The following TOX variants were observed in gnomAD, a reference collection of about 807,000 sequenced individuals.
The protein encoded by TOX is thymocyte selection-associated high mobility group box protein TOX.
In TOX, 11 loss-of-function variants were observed where a neutral mutation model predicts 53.7. That is an observed-to-expected ratio of 0.20 (90% confidence interval 0.13 to 0.34). The LOEUF (loss-of-function observed/expected upper bound fraction) is 0.34, where lower values mean the gene tolerates loss of function less well. TOX is among the 10% of genes least tolerant of loss of function. The probability of loss-of-function intolerance (pLI) is 1.00; values close to 1 mark genes in which losing one functional copy is unlikely to be tolerated. For synonymous variants in TOX, 225 were observed against 245.3 expected, an observed-to-expected ratio of 0.92 and a Z score of 0.77; for missense variants, 570 against 664.6, an observed-to-expected ratio of 0.86 and a Z score of 1.56.
At chr8:58,946,021 C>T (rs1336215689) in intron 2 of TOX, among the ~76,000 whole-genome samples, 8 of 151,988 alleles carry the variant, frequency 5.3e-5, no homozygotes, top group Admixed American at 4.6e-4. Context: ...CATGCATACA[C>T]TAAAAATATG....
At chr8:59,066,938 G>A (rs1804103772) in intron 1 of TOX, among the ~76,000 whole-genome samples, 1 of 152,144 alleles carries the variant, frequency 6.6e-6, no homozygotes, top group Non-Finnish European at 1.5e-5. Context: ...AACCCAGACT[G>A]GTAAACACAT....
intron 1 of TOX, among the ~76,000 whole-genome samples, chr8:59,092,999 G>C (rs1804652232): frequency 6.6e-6 from 1 of 151,932 alleles, no homozygotes; most frequent in Non-Finnish European, 1.5e-5. Context: ...CAGGTGGCAA[G>C]GGGGATCCCA....
chr8:58,832,252 C>T (rs984938730), intron 5 of TOX, among the ~76,000 whole-genome samples: 2 of 149,642 alleles, frequency 1.3e-5, no homozygotes, highest in South Asian at 4.2e-4. Flanking sequence ...AGTATGCTCA[C>T]CATTTCATAT....
At chr8:58,925,241 T>G (rs1812135792) in intron 3 of TOX, among the ~76,000 whole-genome samples, 1 of 152,164 alleles carries the variant, frequency 6.6e-6, no homozygotes. Context: ...ATAAAAAGCA[T>G]TACTTTGCAA....
chr8:58,860,513 G>A (rs1164361735), intron 3 of TOX, among the ~76,000 whole-genome samples: 1 of 152,178 alleles, frequency 6.6e-6, no homozygotes. Flanking sequence ...GACTACGAAT[G>A]CATTTTGTCA....
At chr8:59,052,768 C>T (rs1202092228) in intron 1 of TOX, among the ~76,000 whole-genome samples, 2 of 152,058 alleles carry the variant, frequency 1.3e-5, no homozygotes, top group Non-Finnish European at 2.9e-5. Context: ...CAAGACATTC[C>T]TTAGCATATT....
In TOX at chr8:59,119,006, A is replaced by C. The variant is rs1289516303; in HGVS notation, c.-19T>G. The C allele has an allele frequency of 6.5e-7, 1 of 1,548,098 alleles. No homozygotes were observed. Among genetic ancestry groups the C allele is most frequent in the South Asian group, 1.1e-5 (1 of 89,296 alleles). The stretch of plus-strand genomic sequence containing the variant: ...CGTCCATTTCACTCTCACATCAAGC[A>C]ACTCCTTTTCTTTTTCCTTTTTTAA... On this transcript the variant is annotated 5_prime_UTR_variant, in exon 1 of 9. Coordinates refer to ENST00000361421, the MANE Select transcript of TOX (RefSeq NM_014729.3).
chr8:59,039,374 T>G (rs1214198950), intron 1 of TOX, among the ~76,000 whole-genome samples: 1 of 152,226 alleles, frequency 6.6e-6, no homozygotes, highest in Non-Finnish European at 1.5e-5. Flanking sequence ...GAAATAACTA[T>G]TGTTACACTT....
chr8:59,007,147 A>G lies in TOX; in HGVS notation c.103-47139T>C, dbSNP rs547088438. Among the ~76,000 whole-genome samples, 8 of 152,146 alleles carry G rather than the reference A, an allele frequency of 5.3e-5. No individual in the cohort carries two copies. The South Asian group carries it at 1.5e-3, about 28-fold the overall frequency. The stretch of plus-strand genomic sequence containing the variant: ...TTCCTTTTCCCAGTGCCCACAAAAC[A>G]AGCTATTACTTCTCCACAGCTCTCA... On this transcript the variant is annotated intron_variant, in intron 1 of 8. Transcript: ENST00000361421.
chr8:58,808,460 T>C (rs1810025342), intron 7 of TOX, among the ~76,000 whole-genome samples, 191 bp from the exon 8 acceptor site: 1 of 151,950 alleles, frequency 6.6e-6, no homozygotes, highest in Admixed American at 6.5e-5. Flanking sequence ...CCATTCTTCT[T>C]ACCTTTCCTT....
In TOX at chr8:58,913,961, G is replaced by A. The variant is rs755397853; in HGVS notation, c.411+25341C>T. On this transcript the variant is annotated intron_variant, in intron 3 of 8. Coordinates refer to ENST00000361421, the MANE Select transcript of TOX (RefSeq NM_014729.3). ...GAGTGACAAGAAATGGAGAGCACGC[G>A]CTGAAAGTGTGCTCAATGGAGTGGA... Among the ~76,000 whole-genome samples the A allele has an allele frequency of 1.4e-4, 21 of 152,318 alleles. 1 individual carries two copies. Among genetic ancestry groups the A allele is most frequent in the Middle Eastern group, 3.4e-3 (1 of 294 alleles).
At chr8:58,989,328 AC>A (rs1813397515) in intron 1 of TOX, among the ~76,000 whole-genome samples, 1 of 151,608 alleles carries the variant, frequency 6.6e-6, no homozygotes, top group South Asian at 2.1e-4. Flanking sequence ...AAAAAAAAAA[AC>A]TTTAGAAAAC....
At chr8:59,067,404 A>T (rs995112041) in intron 1 of TOX, among the ~76,000 whole-genome samples, 1 of 151,980 alleles carries the variant, frequency 6.6e-6, no homozygotes, top group Non-Finnish European at 1.5e-5. Flanking sequence ...AAATACAAAA[A>T]TTAGCCACCC....
intron 3 of TOX, among the ~76,000 whole-genome samples, chr8:58,910,001 G>T (rs1811883481): frequency 6.6e-6 from 1 of 151,980 alleles, no homozygotes; most frequent in African/African-American, 2.4e-5. Context: ...GCCCATCAGG[G>T]AGCAGATCAT....
At chr8:58,914,177 A>G (rs1230216340) in intron 3 of TOX, among the ~76,000 whole-genome samples, 1 of 152,230 alleles carries the variant, frequency 6.6e-6, no homozygotes, top group Admixed American at 6.5e-5. Context: ...GAAGAACCCA[A>G]AGAGAGTCAG....
At chr8:58,882,700 A>G (rs1811403893) in intron 3 of TOX, among the ~76,000 whole-genome samples, 1 of 152,236 alleles carries the variant, frequency 6.6e-6, no homozygotes, top group South Asian at 2.1e-4. Flanking sequence ...ACAATAGACA[A>G]ACTGGAATGG....
chr8:58,818,515 G>C (rs144514752), intron 6 of TOX, among the ~76,000 whole-genome samples: 255 of 152,220 alleles, frequency 1.7e-3, no homozygotes, highest in African/African-American at 5.9e-3. Flanking sequence ...CTCCAAAAGG[G>C]CATCTTTTTT....
chr8:58,958,452 A>C (rs1280940800), intron 2 of TOX, among the ~76,000 whole-genome samples: 1 of 152,198 alleles, frequency 6.6e-6, no homozygotes, highest in Non-Finnish European at 1.5e-5. Context: ...TAGCCCTTAC[A>C]CTTCAAAACC....
chr8:59,001,818 ACAAAT>A (rs774424179), intron 1 of TOX, among the ~76,000 whole-genome samples: 20 of 152,182 alleles, frequency 1.3e-4, no homozygotes, highest in Non-Finnish European at 2.2e-4. Flanking sequence ...AAAGAAAAAA[ACAAAT>A]CAAAAGAGAC....
Sources: allele counts gnomAD v4.1 joint callset (sites outside exome capture counted in the v4.1 genomes callset), GRCh38; gene constraint gnomAD v4.1.1; transcripts MANE v1.5; gene names NCBI Gene and HGNC (gene_info 2026-07-23, HGNC 2026-07-21).